The following ADGB variants were observed in gnomAD, a reference collection of about 807,000 sequenced individuals.
ADGB encodes the protein calpain-7-like protein.
In ADGB, 172 loss-of-function variants were observed where a neutral mutation model predicts 210.5. The observed-to-expected ratio is 0.82, with a 90% CI of 0.72 to 0.93. The LOEUF (loss-of-function observed/expected upper bound fraction) is 0.93, where lower values mean the gene tolerates loss of function less well. Among genes scored for constraint, ADGB ranks in the 40% least tolerant of loss-of-function variants. The pLI, the probability that ADGB is intolerant of heterozygous loss-of-function variation, is 0.00. For missense variants in ADGB, 2,025 were observed against 1,964.8 expected (o/e 1.03, Z -0.58); for synonymous variants, 658 against 662.7 (o/e 0.99, Z 0.11).
chr6:146,721,286 C>T, intron 16 of ADGB, 117 bp from the exon 17 acceptor site: 1 of 674,022 alleles, frequency 1.5e-6, no homozygotes, highest in Non-Finnish European at 2.6e-6. Context: ...ATTGTGGTGC[C>T]TACAACACAG....
In ADGB at chr6:146,635,456, T is replaced by G. The variant is rs1583568127; in HGVS notation, c.156T>G (p.Ser52Arg). 2 of 1,547,808 alleles carry G rather than the reference T, an allele frequency of 1.3e-6. No individual in the cohort carries two copies. The highest frequency in any genetic ancestry group is 4.9e-5 in the East Asian group (2 of 40,706). Residue 52 changes from serine (S) to arginine (R), a missense_variant, in exon 2 of 36, where the codon AGT becomes AGG. By Grantham distance (110) the Ser-to-Arg change is moderately radical. Transcript: ENST00000397944. ...KGKFPLWPEW[S>R]EADINSEKWD... Reference sequence around the variant, plus strand: ...AATTCCCACTCTGGCCAGAGTGGAGTGAAGCTGACATAAATTCAGAAAAGT... The same window carrying G: ...AATTCCCACTCTGGCCAGAGTGGAGGGAAGCTGACATAAATTCAGAAAAGT...
chr6:146,642,751 A>T (rs1775537048), intron 2 of ADGB, among the ~76,000 whole-genome samples: 1 of 151,756 alleles, frequency 6.6e-6, no homozygotes, highest in African/African-American at 2.4e-5. Context: ...AGACACTGGG[A>T]TCTACTTGAT....
At chr6:146,661,182 T>C (rs895234313) in intron 5 of ADGB, among the ~76,000 whole-genome samples, 2 of 151,650 alleles carry the variant, frequency 1.3e-5, no homozygotes, top group African/African-American at 4.8e-5. Context: ...CTAATATAGC[T>C]TTCTTTTCCT....
intron 23 of ADGB, among the ~76,000 whole-genome samples, chr6:146,739,667 C>T (rs1003080961): frequency 1.3e-5 from 2 of 152,162 alleles, no homozygotes; most frequent in Admixed American, 1.3e-4. Context: ...AAGACAAGAA[C>T]ACCTCTGGCT....
Position 146,736,538 on chromosome 6 carries a change from A to C in ADGB, c.2835A>C (p.Lys945Asn). ...ENISVADTLQKVWAVLEMNLE... is the reference protein window; with the variant it reads ...ENISVADTLQNVWAVLEMNLE... ...TCAGTGTTGCAGATACTCTTCAAAA[A>C]GTTTGGGCTGTATTGGAAATGAATT... Residue 945 changes from lysine (K) to asparagine (N), a missense_variant, in exon 23 of 36, where the codon AAA (lysine) becomes AAC (asparagine). Lys to Asn is a moderately conservative substitution (Grantham distance 94, BLOSUM62 0). Transcript: ENST00000397944. 2 of 1,549,298 alleles carry C rather than the reference A, an allele frequency of 1.3e-6. No homozygotes were observed. The highest frequency in any genetic ancestry group is 1.7e-4 in the Middle Eastern group (1 of 5,964).
Position 146,664,154 on chromosome 6 carries a change from G to C in ADGB, c.613-47G>C, listed in dbSNP as rs182494442. On this transcript the variant is annotated intron_variant, in intron 5 of 35. Coordinates refer to ENST00000397944, the MANE Select transcript of ADGB (RefSeq NM_024694.4). ...ACGTGCAATCATTTACGAGAGAAAA[G>C]ACTGTAAGCCATTGATGGTATTACA... 3 of 1,481,188 alleles carry C rather than the reference G, an allele frequency of 2.0e-6. No homozygotes were observed. The African/African-American group carries it at 4.3e-5, about 21-fold the overall frequency. The allele number at this position is 1,481,188 out of a possible 1,614,324, so 91.8% of individuals were successfully genotyped here. A position where few individuals can be genotyped will look rare whatever the true frequency, so the allele number is the denominator to read the frequency against.
chr6:146,692,035 A>G (rs375189034), intron 11 of ADGB, among the ~76,000 whole-genome samples: 5 of 152,158 alleles, frequency 3.3e-5, no homozygotes, highest in African/African-American at 1.2e-4. Flanking sequence ...TTATTTTAAA[A>G]TGTTATATTT....
intron 1 of ADGB, among the ~76,000 whole-genome samples, chr6:146,619,692 G>A (rs915375544): frequency 6.6e-6 from 1 of 151,962 alleles, no homozygotes; most frequent in South Asian, 2.1e-4. Context: ...TCCCAACATT[G>A]TGACTTTTTG....
At chr6:146,812,987 G>C (rs182971510) in intron 35 of ADGB, among the ~76,000 whole-genome samples, 2 of 152,160 alleles carry the variant, frequency 1.3e-5, no homozygotes, top group East Asian at 3.8e-4. Flanking sequence ...TCCCTTTGGC[G>C]TAATGAGTTT....
chr6:146,724,365 T>A lies in ADGB; in HGVS notation c.2237+38T>A, dbSNP rs1223534438. 3 of 1,482,830 alleles carry A rather than the reference T, an allele frequency of 2.0e-6. No homozygotes were observed. The East Asian group carries it at 7.6e-5, about 38-fold the overall frequency. 91.9% of individuals were successfully genotyped at this position (1,482,830 alleles called of 1,614,324 possible). ...TTCATTTTTCCCATAATAAAAATTG[T>A]TTGAAGGCTTGCAAATTGTTGGTTA... On this transcript the variant is annotated intron_variant, in intron 18 of 35. Coordinates refer to ENST00000397944, the MANE Select transcript of ADGB (RefSeq NM_024694.4).
intron 5 of ADGB, among the ~76,000 whole-genome samples, chr6:146,660,910 T>C (rs1005080905): frequency 6.6e-6 from 1 of 152,190 alleles, no homozygotes; most frequent in Non-Finnish European, 1.5e-5. Context: ...TTGTTTGTTC[T>C]TTGTTACCTT....
rs187493450 is a variant in ADGB, at chr6:146,766,928, G to A, written c.3751-2092G>A. Reference sequence around the variant, plus strand: ...TCTTTTACCATTGGAAAATCTATCAGTATTAGTCACTACAGTAATACACTA... The same window carrying A: ...TCTTTTACCATTGGAAAATCTATCAATATTAGTCACTACAGTAATACACTA... On this transcript the variant is annotated intron_variant, in intron 28 of 35. Transcript: ENST00000397944. Among the ~76,000 whole-genome samples, 5 of 152,222 alleles carry A rather than the reference G, an allele frequency of 3.3e-5. No individual in the cohort carries two copies. In the East Asian group the frequency reaches 9.6e-4, roughly 29 times the overall value.
At position 146,801,921 on chromosome 6, in the gene ADGB, T is replaced by A; in HGVS notation, c.4728T>A (p.His1576Gln). ...KAEEIHQFRQ[H>Q]RTRVLSIRNI... Reference sequence around the variant, plus strand: ...AAGAAATTCATCAGTTTCGACAGCATAGGACCAGAGTCCTTAGCATTCGAA... The same window carrying A: ...AAGAAATTCATCAGTTTCGACAGCAAAGGACCAGAGTCCTTAGCATTCGAA... Residue 1576 changes from histidine (H) to glutamine (Q), a missense_variant, in exon 35 of 36, where the codon CAT becomes CAA. Physicochemically the swap from His to Gln is conservative, Grantham distance 24. Coordinates refer to ENST00000397944, the MANE Select transcript of ADGB (RefSeq NM_024694.4). The A allele has an allele frequency of 6.4e-7, 1 of 1,551,250 alleles. No homozygotes were observed. Among genetic ancestry groups the A allele is most frequent in the East Asian group, 2.4e-5 (1 of 40,858 alleles).
Position 146,815,268 on chromosome 6 carries a change from T to C in ADGB, c.*51T>C. ...CTTCTGGAGAGAAAAAATCTATTTG[T>C]AATGATCTTTAACTGCCTGCTGTTA... On this transcript the variant is annotated 3_prime_UTR_variant, in exon 36 of 36. Transcript: ENST00000397944. 7.3e-7 allele frequency: 1 copy of C among 1,365,030 alleles called. No individual in the cohort carries two copies. Among genetic ancestry groups the C allele is most frequent in the South Asian group, 1.8e-5 (1 of 56,856 alleles). 84.6% of individuals were successfully genotyped at this position (1,365,030 alleles called of 1,614,324 possible). A position where few individuals can be genotyped will look rare whatever the true frequency, so the allele number is the denominator to read the frequency against.
intron 2 of ADGB, among the ~76,000 whole-genome samples, chr6:146,643,738 C>A (rs75405843): frequency 6.6e-6 from 1 of 151,666 alleles, no homozygotes; most frequent in Non-Finnish European, 1.5e-5. Context: ...TGGTAATAGC[C>A]CAATCCTGGA....
intron 2 of ADGB, among the ~76,000 whole-genome samples, chr6:146,640,830 C>A (rs368758513): frequency 6.6e-6 from 1 of 151,952 alleles, no homozygotes. Context: ...AAGCCAGAAG[C>A]ATTCCCCTTT....
At chr6:146,690,517 G>C (rs2114920864) in intron 10 of ADGB, among the ~76,000 whole-genome samples, 1 of 152,232 alleles carries the variant, frequency 6.6e-6, no homozygotes, top group East Asian at 1.9e-4. Flanking sequence ...CTACTTAGCT[G>C]TTATTCTGAA....
Position 146,685,822 on chromosome 6 carries a change from G to A in ADGB, c.1305G>A (p.Glu435=). Reference sequence around the variant, plus strand: ...TTGAAAACAAGATCTTTTCATTAGAGAAGATGGTAAGCATTCAAGCTTAGG... The same window carrying A: ...TTGAAAACAAGATCTTTTCATTAGAAAAGATGGTAAGCATTCAAGCTTAGG... The part of the protein sequence containing the change: ...YLFENKIFSL[E]KMADSAEKLR... The change falls in exon 10 of 36, where the codon GAG becomes GAA. Residue 435 remains glutamate, a synonymous_variant. Coordinates refer to ENST00000397944, the MANE Select transcript of ADGB (RefSeq NM_024694.4). 6.6e-7 allele frequency: 1 copy of A among 1,523,750 alleles called. No homozygotes were observed. The highest frequency in any genetic ancestry group is 1.4e-5 in the African/African-American group (1 of 71,570). The allele number at this position is 1,523,750 out of a possible 1,614,324, so 94.4% of individuals were successfully genotyped here.
At chr6:146,614,016 C>T (rs1470126286) in intron 1 of ADGB, among the ~76,000 whole-genome samples, 1 of 151,692 alleles carries the variant, frequency 6.6e-6, no homozygotes, top group Non-Finnish European at 1.5e-5. Context: ...AATATGTAGA[C>T]AAAACAAACT....
Sources: allele counts gnomAD v4.1 joint callset (sites outside exome capture counted in the v4.1 genomes callset), GRCh38; gene constraint gnomAD v4.1.1; transcripts MANE v1.5; gene names NCBI Gene and HGNC (gene_info 2026-07-23, HGNC 2026-07-21).